Variants in SF3A3 observed in about 807,000 individuals in gnomAD.
SF3A3 encodes splicing factor 3a subunit 3, also known as SAP 61.
SF3A3 carries 9 observed loss-of-function variants against 85.8 expected under a neutral mutation model. That is an observed-to-expected ratio of 0.10 (90% CI 0.06 to 0.18). SF3A3 has a LOEUF of 0.18. Ranked by LOEUF, SF3A3 falls within the 10% of genes least tolerant of loss-of-function variation. SF3A3 has a pLI of 1.00. For synonymous variants in SF3A3, 195 were observed against 204.4 expected (o/e 0.95, Z 0.39); for missense variants, 306 against 593.3 (o/e 0.52, Z 5.03).
intron 15 of SF3A3, among the ~76,000 whole-genome samples, chr1:37,965,097 G>A (rs947015673): frequency 6.6e-6 from 1 of 151,992 alleles, no homozygotes; most frequent in Non-Finnish European, 1.5e-5. Flanking sequence ...GGCGAAGGTT[G>A]CAGTGAGCCG....
intron 16 of SF3A3, among the ~76,000 whole-genome samples, chr1:37,959,787 GT>G (rs1646244122): frequency 6.6e-6 from 1 of 151,802 alleles, no homozygotes; most frequent in South Asian, 2.1e-4. Flanking sequence ...GTGAAACCCT[GT>G]CGCTACTAAA....
intron 7 of SF3A3, 42 bp from the exon 8 acceptor site, chr1:37,980,766 C>G (rs200488664): frequency 5.1e-5 from 76 of 1,477,812 alleles, no homozygotes; most frequent in Non-Finnish European, 6.7e-5. Flanking sequence ...AAAAGGGTTT[C>G]TATTTTTGGT....
At chr1:37,982,939 A>T (rs868149093) in intron 6 of SF3A3, among the ~76,000 whole-genome samples, 10 of 148,282 alleles carry the variant, frequency 6.7e-5, no homozygotes, top group Admixed American at 3.4e-4. Flanking sequence ...TACAAAAAAA[A>T]ATTTTTTTTT....
At chr1:37,960,889 G>A (rs367658848) in intron 15 of SF3A3, among the ~76,000 whole-genome samples, 248 of 152,034 alleles carry the variant, frequency 1.6e-3, no homozygotes, top group African/African-American at 5.6e-3. Context: ...TCCTGACCTC[G>A]TGATCCACCC....
intron 11 of SF3A3, among the ~76,000 whole-genome samples, chr1:37,977,518 A>G (rs1646386700): frequency 6.6e-6 from 1 of 152,078 alleles, no homozygotes; most frequent in Admixed American, 6.6e-5. Flanking sequence ...CCTCGCCAAC[A>G]TGGTGAAACC....
intron 2 of SF3A3, 48 bp downstream of exon 2, chr1:37,989,500 T>C (rs1382099057): frequency 1.2e-6 from 2 of 1,600,516 alleles, no homozygotes; most frequent in East Asian, 2.2e-5. Flanking sequence ...TCCCCTCTCT[T>C]TTCCCGCCCT....
At chr1:37,987,720 T>G in intron 3 of SF3A3, 42 bp from the exon 4 acceptor site, 1 of 1,606,508 alleles carries the variant, frequency 6.2e-7, no homozygotes, top group Non-Finnish European at 8.5e-7. Flanking sequence ...GAGCACAAAG[T>G]CAGTCCTCTA....
chr1:37,987,214 G>C (rs1047636040), intron 4 of SF3A3, among the ~76,000 whole-genome samples: 2 of 152,172 alleles, frequency 1.3e-5, no homozygotes, highest in East Asian at 3.9e-4. Flanking sequence ...GAGTAGTTGG[G>C]ATTACAGGCA....
At chr1:37,967,758 G>A (rs991514187) in intron 15 of SF3A3, among the ~76,000 whole-genome samples, 2 of 150,352 alleles carry the variant, frequency 1.3e-5, no homozygotes, top group African/African-American at 4.9e-5. Flanking sequence ...TACTCGGTAG[G>A]CTGAGGCAGG....
intron 4 of SF3A3, 94 bp downstream of exon 4, chr1:37,987,479 T>G (rs957295817): frequency 6.9e-6 from 6 of 872,208 alleles, no homozygotes; most frequent in Admixed American, 4.2e-5. Flanking sequence ...TTTCTTGAAG[T>G]GCATTTGAAT....
chr1:37,967,657 G>A (rs1421766182), intron 15 of SF3A3, among the ~76,000 whole-genome samples: 11 of 128,842 alleles, frequency 8.5e-5, no homozygotes, highest in Non-Finnish European at 1.7e-4. Context: ...CAACCTGGGC[G>A]ACAGAGTGAG....
chr1:37,979,932 T>C (rs1033470061), intron 8 of SF3A3, among the ~76,000 whole-genome samples: 6 of 152,184 alleles, frequency 3.9e-5, no homozygotes, highest in Non-Finnish European at 8.8e-5. Context: ...AAGCTAAGGT[T>C]TGTCCACATT....
In SF3A3 at chr1:37,987,670, T is replaced by C. The variant is rs949753091; in HGVS notation, c.206A>G (p.Lys69Arg). Residue 69 changes from lysine (K) to arginine (R), a missense_variant, in exon 4 of 17, where the codon AAG becomes AGG. Physicochemically the swap from Lys to Arg is conservative, Grantham distance 26. Around this residue, in one of 4 missense-constraint regions of SF3A3, gnomAD observed 152 missense variants for 192.0 expected, o/e 0.79. Coordinates refer to ENST00000373019, the MANE Select transcript of SF3A3 (RefSeq NM_006802.4). ...DLYDDKDGLR[K>R]EELNAISGPN... ...TCCTGAAATGGCATTGAGCTCCTCC[T>C]TTCGTAATCTGCAATTTCAGGAAAA... 3.1e-6 allele frequency: 5 copies of C among 1,613,862 alleles called. No homozygotes were observed. The highest frequency in any genetic ancestry group is 2.5e-6 in the Non-Finnish European group (3 of 1,179,834).
intron 16 of SF3A3, 112 bp from the exon 17 acceptor site, chr1:37,958,375 C>T (rs1646234582): frequency 7.9e-6 from 6 of 761,704 alleles, no homozygotes; most frequent in Admixed American, 5.9e-5. Flanking sequence ...TACTCTGGTA[C>T]ACTAAGATTG....
At chr1:37,973,480 A>C (rs1646357568) in intron 12 of SF3A3, among the ~76,000 whole-genome samples, 1 of 152,232 alleles carries the variant, frequency 6.6e-6, no homozygotes, top group South Asian at 2.1e-4. Context: ...AGAATCTACA[A>C]AGAACTACAA....
At chr1:37,960,384 T>C (rs1436527177) in intron 15 of SF3A3, 3 of 507,784 alleles carry the variant, frequency 5.9e-6, no homozygotes, top group Non-Finnish European at 7.1e-6. Flanking sequence ...TGCTTTGCTA[T>C]AAAAGTTGGA....
intron 12 of SF3A3, among the ~76,000 whole-genome samples, chr1:37,973,609 AG>A (rs1646358489): frequency 6.6e-6 from 1 of 152,232 alleles, no homozygotes; most frequent in East Asian, 1.9e-4. Context: ...GTGGAGAAAC[AG>A]GAACGCTTTT....
rs1646411273 is a variant in SF3A3, at chr1:37,980,575, C to T, written c.690+11G>A. On this transcript the variant is annotated intron_variant, in intron 8 of 16. Coordinates refer to ENST00000373019, the MANE Select transcript of SF3A3 (RefSeq NM_006802.4). ...TGGCATGTCCACCATTCACATCCCA[C>T]TGAAGCTCACCGGCCATCCAGGAAA... The T allele has an allele frequency of 6.2e-7, 1 of 1,613,274 alleles. No individual in the cohort carries two copies.
intron 12 of SF3A3, among the ~76,000 whole-genome samples, chr1:37,975,624 C>T (rs1024798298): frequency 6.6e-6 from 1 of 152,178 alleles, no homozygotes; most frequent in Non-Finnish European, 1.5e-5. Context: ...CACACTAGCA[C>T]AGCCCAAGTT....
Sources: allele counts gnomAD v4.1 joint callset (sites outside exome capture counted in the v4.1 genomes callset), GRCh38; gene constraint gnomAD v4.1.1; regional missense constraint gnomAD v4.1.1; transcripts MANE v1.5; gene names NCBI Gene and HGNC (gene_info 2026-07-23, HGNC 2026-07-21).